PYGL: variants seen among roughly 807,000 people sequenced by gnomAD.
The protein encoded by PYGL is glycogen phosphorylase L.
A neutral mutation model predicts 100.1 loss-of-function variants in PYGL; 90 were observed. The observed-to-expected ratio is 0.90, with a 90% CI of 0.76 to 1.07. The LOEUF is 1.07. PYGL is among the 50% of genes least tolerant of loss of function. The probability of loss-of-function intolerance (pLI) is 0.00; values close to 1 mark genes in which losing one functional copy is unlikely to be tolerated. For missense variants in PYGL, 1,016 were observed against 1,057.6 expected (o/e 0.96, Z 0.55); for synonymous variants, 373 against 393.0 (o/e 0.95, Z 0.60).
chr14:50,908,207 AAAC>A, intron 19 of PYGL, 61 bp downstream of exon 19: 1 of 1,376,010 alleles, frequency 7.3e-7, no homozygotes, highest in Non-Finnish European at 1.0e-6. Flanking sequence ...TTTAATTAAA[AAAC>A]CCACATTTTA....
chr14:50,936,937 A>C (rs2050659189), intron 2 of PYGL, among the ~76,000 whole-genome samples: 1 of 152,228 alleles, frequency 6.6e-6, no homozygotes, highest in Non-Finnish European at 1.5e-5. Flanking sequence ...GAGGACCTGC[A>C]GGGGTTCTTT....
In PYGL at chr14:50,905,464, G is replaced by A. The variant is rs752830182; in HGVS notation, c.2472C>T (p.Asn824=). 1.2e-6 allele frequency: 2 copies of A among 1,613,856 alleles called. No homozygotes were observed. The highest frequency in any genetic ancestry group is 1.7e-6 in the Non-Finnish European group (2 of 1,179,736). The part of the protein sequence containing the change: ...SDRTIKEYAQ[N]IWNVEPSDLK... Reference sequence around the variant, plus strand: ...GATCTGAAGGTTCCACGTTCCAGATGTTTTGGGCATATTCTTTAATTGTTC... The same window carrying A: ...GATCTGAAGGTTCCACGTTCCAGATATTTTGGGCATATTCTTTAATTGTTC... Residue 824 remains asparagine (N), a synonymous_variant, in exon 20 of 20, where the codon AAC becomes AAT. Transcript: ENST00000216392.
intron 3 of PYGL, 95 bp downstream of exon 3, chr14:50,935,012 G>C (rs1487469314): frequency 2.5e-6 from 3 of 1,208,456 alleles, no homozygotes; most frequent in Non-Finnish European, 3.7e-6. Context: ...GCTTCTTCTA[G>C]GAAGCCTGCC....
In PYGL at chr14:50,914,687, C is replaced by T; in HGVS notation, c.1518+14G>A. 2 of 1,596,868 alleles carry T rather than the reference C, an allele frequency of 1.3e-6. No homozygotes were observed. The highest frequency in any genetic ancestry group is 1.7e-6 in the Non-Finnish European group (2 of 1,164,568). On this transcript the variant is annotated intron_variant, in intron 12 of 19. Coordinates refer to ENST00000216392, the MANE Select transcript of PYGL (RefSeq NM_002863.5). ...CGAGTCAGGCCTCCTTTCCTCTCAG[C>T]ACTTCCCAGTTACCTCTGCTATGAG...
chr14:50,907,707 A>T (rs6572710), intron 19 of PYGL, among the ~76,000 whole-genome samples: 55,233 of 152,002 alleles, frequency 0.36, 11,053 homozygotes, highest in East Asian at 0.61. Flanking sequence ...GGGTGCTCAA[A>T]AAATATTGAA....
chr14:50,937,874 G>A (rs917438682), intron 1 of PYGL, 37 bp from the exon 2 acceptor site: 2 of 1,537,148 alleles, frequency 1.3e-6, no homozygotes, highest in Admixed American at 1.7e-5. Flanking sequence ...TTTCCCCCAA[G>A]AGATCAACCT....
intron 1 of PYGL, among the ~76,000 whole-genome samples, chr14:50,943,823 A>C (rs556340505): frequency 7.9e-5 from 12 of 152,386 alleles, no homozygotes; most frequent in Admixed American, 2.6e-4. Flanking sequence ...TCTTGATTAA[A>C]TGCTGAGAGT....
intron 2 of PYGL, among the ~76,000 whole-genome samples, chr14:50,936,384 G>A (rs568045240): frequency 2.6e-4 from 40 of 152,288 alleles, no homozygotes; most frequent in African/African-American, 8.9e-4. Flanking sequence ...TTCAACCTTG[G>A]TTATGCTTCT....
At chr14:50,915,567 C>A in intron 10 of PYGL, 68 bp from the exon 11 acceptor site, 1 of 1,589,932 alleles carries the variant, frequency 6.3e-7, no homozygotes, top group South Asian at 1.1e-5. Flanking sequence ...TAACGCTGTT[C>A]ATGTCTTAAG....
chr14:50,936,807 A>G (rs1462519069), intron 2 of PYGL, among the ~76,000 whole-genome samples: 7 of 151,808 alleles, frequency 4.6e-5, no homozygotes, highest in Admixed American at 4.6e-4. Flanking sequence ...AAAAAAAAGT[A>G]TGATATAAAT....
rs1335959182 is a variant in PYGL, at chr14:50,942,762, A to G, written c.243+1399T>C. Reference sequence around the variant, plus strand: ...CTTCAACCCTGGAGGCGAAGGATGCAGTGAGCCAAGATGGCGCCGCTGCAC... The same window carrying G: ...CTTCAACCCTGGAGGCGAAGGATGCGGTGAGCCAAGATGGCGCCGCTGCAC... On this transcript the variant is annotated intron_variant, in intron 1 of 19. Transcript: ENST00000216392. 2.0e-5 allele frequency among the ~76,000 whole-genome samples: 2 copies of G among 100,582 alleles called. 1 individual carries two copies. The highest frequency in any genetic ancestry group is 4.6e-5 in the Non-Finnish European group (2 of 43,052). 66.0% of individuals were successfully genotyped at this position (100,582 alleles called of 152,430 possible). A position where few individuals can be genotyped will look rare whatever the true frequency, so the allele number is the denominator to read the frequency against.
At chr14:50,908,077 G>T in intron 19 of PYGL, 194 bp downstream of exon 19, 2 of 476,288 alleles carry the variant, frequency 4.2e-6, no homozygotes, top group South Asian at 2.6e-5. Flanking sequence ...TCTCAACCTT[G>T]GCCTGAACTT....
intron 7 of PYGL, 65 bp from the exon 8 acceptor site, chr14:50,917,170 G>T: frequency 6.5e-7 from 1 of 1,532,730 alleles, no homozygotes; most frequent in Non-Finnish European, 9.0e-7. Context: ...TGTGACTGGT[G>T]TCTCCTGCAC....
chr14:50,920,146 A>C (rs542912641), intron 7 of PYGL, among the ~76,000 whole-genome samples: 2 of 152,346 alleles, frequency 1.3e-5, no homozygotes, highest in Non-Finnish European at 1.5e-5. Context: ...GACCAGAAAG[A>C]GCCTAGTCAG....
chr14:50,929,843 A>G (rs75726730), intron 4 of PYGL, among the ~76,000 whole-genome samples: 142 of 152,376 alleles, frequency 9.3e-4, no homozygotes, highest in African/African-American at 3.1e-3. Context: ...ATTACAAAAT[A>G]CACATTATTT....
chr14:50,930,410 G>T (rs1000173865), intron 4 of PYGL, among the ~76,000 whole-genome samples: 2 of 152,176 alleles, frequency 1.3e-5, no homozygotes, highest in Non-Finnish European at 2.9e-5. Flanking sequence ...TCTCAAATGA[G>T]AAATTAGGAC....
intron 4 of PYGL, 147 bp downstream of exon 4, chr14:50,931,526 G>T: frequency 2.8e-6 from 2 of 706,960 alleles, no homozygotes; most frequent in Non-Finnish European, 2.4e-6. Flanking sequence ...GAAGTGGGAA[G>T]ATGGATAGAT....
intron 4 of PYGL, among the ~76,000 whole-genome samples, chr14:50,931,093 T>A (rs1054740385): frequency 6.6e-6 from 1 of 152,172 alleles, no homozygotes; most frequent in Admixed American, 6.5e-5. Flanking sequence ...GATTTCATCT[T>A]ATAAAAAAAT....
At chr14:50,928,972 AT>A (rs1680187383) in intron 4 of PYGL, among the ~76,000 whole-genome samples, 1 of 152,216 alleles carries the variant, frequency 6.6e-6, no homozygotes, top group African/African-American at 2.4e-5. Flanking sequence ...TTCTGATTCA[AT>A]TTCAAGTCAT....
Sources: allele counts gnomAD v4.1 joint callset (sites outside exome capture counted in the v4.1 genomes callset), GRCh38; gene constraint gnomAD v4.1.1; transcripts MANE v1.5; gene names NCBI Gene and HGNC (gene_info 2026-07-23, HGNC 2026-07-21).